CASP8: variants seen among roughly 807,000 people sequenced by gnomAD.
CASP8 encodes the protein caspase-8.
In CASP8, 24 loss-of-function variants were observed where a neutral mutation model predicts 46.3. The ratio of observed to expected loss-of-function variants is 0.52; its 90% confidence interval spans 0.38 to 0.73. The LOEUF (loss-of-function observed/expected upper bound fraction) is 0.73, where lower values mean the gene tolerates loss of function less well. CASP8 is among the 30% of genes least tolerant of loss of function. The probability of loss-of-function intolerance (pLI) is 0.00; values close to 1 mark genes in which losing one functional copy is unlikely to be tolerated. For synonymous variants in CASP8, 188 were observed against 200.4 expected, an observed-to-expected ratio of 0.94 and a Z score of 0.52; for missense variants, 460 against 559.0, an observed-to-expected ratio of 0.82 and a Z score of 1.79.
Position 201,286,311 on chromosome 2 carries a change from G to T in CASP8, c.1305-148G>T, listed in dbSNP as rs1183122399. On this transcript the variant is annotated intron_variant, in intron 8 of 8. Transcript: ENST00000673742. ...ACAACCCATTTACCAGGAAAGCTGG[G>T]GTAGGTCTTGGTTTCGCACCTTATT... is the stretch of plus-strand genomic sequence containing the variant. The T allele has an allele frequency of 1.8e-4, 152 of 868,356 alleles. 5 individuals carry two copies. In the Admixed American group the frequency reaches 3.1e-3, roughly 18 times the overall value. The allele number at this position is 868,356 out of a possible 1,614,324, so 53.8% of individuals were successfully genotyped here.
upstream of CASP8, among the ~76,000 whole-genome samples, chr2:201,260,028 C>T (rs1486245743): frequency 7.2e-6 from 1 of 139,822 alleles, no homozygotes; most frequent in African/African-American, 2.7e-5. Context: ...AGGGTGGAAT[C>T]TGGTGACCTT....
Position 201,286,400 on chromosome 2 carries a change from G to A in CASP8, c.1305-59G>A. 1.3e-6 allele frequency: 2 copies of A among 1,585,166 alleles called. 1 individual carries two copies. Among genetic ancestry groups the A allele is most frequent in the South Asian group, 2.2e-5 (2 of 90,440 alleles). On this transcript the variant is annotated intron_variant, in intron 8 of 8. Transcript: ENST00000673742. ...AACTATCTCTGAGCACAGCAGAGGA[G>A]ACAGTTCATCAGTTGCTTTCCCCCA...
intron 2 of CASP8, among the ~76,000 whole-genome samples, chr2:201,237,844 G>A (rs1330131534): frequency 6.6e-6 from 1 of 152,224 alleles, no homozygotes; most frequent in Non-Finnish European, 1.5e-5. Context: ...CTTGTGTAGT[G>A]ATCAAGCAGT....
chr2:201,276,317 TCC>T, intron 6 of CASP8, among the ~76,000 whole-genome samples: 1 of 152,306 alleles, frequency 6.6e-6, no homozygotes. Flanking sequence ...ACCTTTAAAA[TCC>T]TGGGACCACA....
At chr2:201,254,108 G>A (rs563751729) in intron 2 of CASP8, among the ~76,000 whole-genome samples, 7 of 150,986 alleles carry the variant, frequency 4.6e-5, no homozygotes. Context: ...TTCTGGAAAA[G>A]CTAGGTCAGT....
At chr2:201,238,631 C>T (rs1349022082) in intron 2 of CASP8, among the ~76,000 whole-genome samples, 3 of 151,892 alleles carry the variant, frequency 2.0e-5, no homozygotes, top group East Asian at 1.9e-4. Context: ...TTAGTAGAGA[C>T]GGGGTTTCAT....
chr2:201,279,439 T>C (rs945366218), intron 7 of CASP8, among the ~76,000 whole-genome samples: 2 of 152,172 alleles, frequency 1.3e-5, no homozygotes, highest in Non-Finnish European at 2.9e-5. Context: ...CAGACTTACC[T>C]CTGGAGAAGC....
At chr2:201,241,294 A>G (rs992255319) in intron 2 of CASP8, 2 of 152,180 alleles carry the variant, frequency 1.3e-5, no homozygotes, top group African/African-American at 2.4e-5. Flanking sequence ...AAAGATAAAC[A>G]AAATCAACAA....
upstream of CASP8, among the ~76,000 whole-genome samples, chr2:201,259,404 A>G (rs555905858): frequency 3.9e-5 from 6 of 152,156 alleles, no homozygotes; most frequent in Admixed American, 2.6e-4. Flanking sequence ...TCAAACTCCT[A>G]TGCTCAAGGG....
At chr2:201,261,407 A>T (rs894335218) in intron 1 of CASP8, among the ~76,000 whole-genome samples, 16 of 152,040 alleles carry the variant, frequency 1.1e-4, no homozygotes, top group South Asian at 2.1e-4. Flanking sequence ...AAAAAAAAAA[A>T]AAAAATTAAA....
At chr2:201,278,571 CTG>C (rs1315145442) in intron 7 of CASP8, among the ~76,000 whole-genome samples, 2 of 150,388 alleles carry the variant, frequency 1.3e-5, no homozygotes, top group Non-Finnish European at 1.5e-5. Flanking sequence ...GAGTCTCACT[CTG>C]TTGCCCAGGC....
At chr2:201,283,115 TG>T (rs1949233793) in intron 7 of CASP8, among the ~76,000 whole-genome samples, 1 of 27,258 alleles carries the variant, frequency 3.7e-5, no homozygotes, top group Non-Finnish European at 8.3e-5. Context: ...ACCTCCCTCC[TG>T]GGCGGGGCGG....
At chr2:201,281,934 T>TC in intron 7 of CASP8, 1 of 144,644 alleles carries the variant, frequency 6.9e-6, no homozygotes, top group Non-Finnish European at 1.1e-5. Flanking sequence ...GTTCAAATTC[T>TC]TTTTTTTTTT....
intron 6 of CASP8, 120 bp from the exon 7 acceptor site, chr2:201,276,707 A>G (rs1253336402): frequency 7.9e-7 from 1 of 1,272,688 alleles, no homozygotes; most frequent in Non-Finnish European, 1.1e-6. Flanking sequence ...TCTTCGAGGA[A>G]ACGACCCCGA....
chr2:201,258,505 A>G (rs572915711), upstream of CASP8: 3,404 of 1,127,910 alleles, frequency 3.0e-3, 11 homozygotes, highest in Non-Finnish European at 3.1e-3. Flanking sequence ...TTCTGAGGAC[A>G]CCTCTGGGTG....
intron 7 of CASP8, chr2:201,277,896 T>C (rs1480905742): frequency 1.2e-5 from 3 of 249,222 alleles, no homozygotes; most frequent in East Asian, 1.6e-4. Context: ...AGATGGGGTT[T>C]TGCCATATTG....
At chr2:201,283,254 T>C (rs1949255206) in intron 7 of CASP8, among the ~76,000 whole-genome samples, 1 of 85,986 alleles carries the variant, frequency 1.2e-5, no homozygotes, top group Non-Finnish European at 2.7e-5. Flanking sequence ...ACTGGGCGGC[T>C]GGCCGGGCGG....
At chr2:201,270,661 C>A (rs1388488056) in intron 2 of CASP8, among the ~76,000 whole-genome samples, 1 of 152,120 alleles carries the variant, frequency 6.6e-6, no homozygotes, top group African/African-American at 2.4e-5. Context: ...TCTGGAGTAG[C>A]TGGGACCACA....
At chr2:201,280,614 ATGTAC>A (rs1948940201) in intron 7 of CASP8, among the ~76,000 whole-genome samples, 2 of 152,234 alleles carry the variant, frequency 1.3e-5, no homozygotes, top group South Asian at 4.1e-4. Context: ...GGCTCAAAAA[ATGTAC>A]TTCTCATGGT....
Sources: allele counts gnomAD v4.1 joint callset (sites outside exome capture counted in the v4.1 genomes callset), GRCh38; gene constraint gnomAD v4.1.1; transcripts MANE v1.5; gene names NCBI Gene and HGNC (gene_info 2026-07-23, HGNC 2026-07-21).